The following ZFHX3 variants were observed in gnomAD, a reference collection of about 807,000 sequenced individuals.
ZFHX3 encodes zinc finger homeobox protein 3.
A neutral mutation model predicts 279.1 loss-of-function variants in ZFHX3; 42 were observed. The observed-to-expected ratio is 0.15, with a 90% CI of 0.12 to 0.19. ZFHX3 has a LOEUF of 0.19. Among genes scored for constraint, ZFHX3 ranks in the 10% least tolerant of loss-of-function variants. The pLI is 1.00. For synonymous variants in ZFHX3, 2,293 were observed against 1,957.8 expected (o/e 1.17, Z -4.52); for missense variants, 4,981 against 4,754.0 (o/e 1.05, Z -1.40).
intron 2 of ZFHX3, among the ~76,000 whole-genome samples, chr16:73,562,243 A>C (rs1005202258): frequency 6.6e-6 from 1 of 152,190 alleles, no homozygotes; most frequent in African/African-American, 2.4e-5. Context: ...TCTAGACTGA[A>C]GGTTGTGCCC....
chr16:73,807,602 A>G (rs1395382834), intron 1 of ZFHX3, among the ~76,000 whole-genome samples: 4 of 143,526 alleles, frequency 2.8e-5, no homozygotes, highest in Non-Finnish European at 6.0e-5. Context: ...GCCTACAGGC[A>G]CATTCCACCA....
chr16:73,787,218 T>G (rs1959674953), intron 1 of ZFHX3, among the ~76,000 whole-genome samples: 1 of 152,134 alleles, frequency 6.6e-6, no homozygotes, highest in South Asian at 2.1e-4. Flanking sequence ...ATCATTGGGG[T>G]GTTTCCTCTC....
chr16:73,491,536 C>A (rs1340424047), intron 2 of ZFHX3, among the ~76,000 whole-genome samples: 1 of 152,186 alleles, frequency 6.6e-6, no homozygotes, highest in Admixed American at 6.5e-5. Context: ...TCCGTGGCAT[C>A]CTCACTACTT....
At chr16:73,504,159 T>C (rs1265758670) in intron 2 of ZFHX3, 2 of 152,154 alleles carry the variant, frequency 1.3e-5, no homozygotes, top group African/African-American at 4.8e-5. Flanking sequence ...TTCTTTTAAA[T>C]GCTCCCCACC....
intron 3 of ZFHX3, among the ~76,000 whole-genome samples, chr16:73,325,822 T>C (rs946557098): frequency 5.9e-4 from 89 of 152,018 alleles, no homozygotes; most frequent in Middle Eastern, 3.4e-3. Context: ...CAGAAGGGCA[T>C]GCCAATTAGA....
intron 1 of ZFHX3, among the ~76,000 whole-genome samples, chr16:73,844,436 A>G (rs1433868866): frequency 6.6e-6 from 1 of 152,214 alleles, no homozygotes; most frequent in Non-Finnish European, 1.5e-5. Context: ...CATGAAAATA[A>G]TGAAGACATT....
At chr16:73,650,151 A>G (rs2052657010) in intron 2 of ZFHX3, among the ~76,000 whole-genome samples, 1 of 152,078 alleles carries the variant, frequency 6.6e-6, no homozygotes, top group Non-Finnish European at 1.5e-5. Flanking sequence ...TTTTCTCCCA[A>G]AGTGGAATAG....
intron 3 of ZFHX3, among the ~76,000 whole-genome samples, chr16:73,446,515 C>T (rs1296958830): frequency 6.6e-6 from 1 of 152,186 alleles, no homozygotes; most frequent in Non-Finnish European, 1.5e-5. Context: ...TCATCTCCCA[C>T]AAGGTCCCTC....
At chr16:73,752,266 T>G (rs1699836515) in intron 1 of ZFHX3, among the ~76,000 whole-genome samples, 1 of 152,174 alleles carries the variant, frequency 6.6e-6, no homozygotes, top group Non-Finnish European at 1.5e-5. Flanking sequence ...TTCAGCTAGT[T>G]TGAGAGGGTG....
intron 1 of ZFHX3, among the ~76,000 whole-genome samples, chr16:73,016,434 A>T (rs1017828632): frequency 6.6e-6 from 1 of 152,120 alleles, no homozygotes; most frequent in Non-Finnish European, 1.5e-5. Context: ...GTTCTCATTC[A>T]GCCTCCTGCT....
chr16:72,956,781 C>T (rs1251265291), intron 2 of ZFHX3, among the ~76,000 whole-genome samples: 1 of 150,742 alleles, frequency 6.6e-6, no homozygotes, highest in Non-Finnish European at 1.5e-5. Context: ...GAATTTAATT[C>T]CCAATTAATT....
rs114851974 is a variant in ZFHX3, at chr16:73,736,266, A to G, written c.-1607-56026T>C. Among the ~76,000 whole-genome samples, 334 of 152,282 alleles carry G rather than the reference A, an allele frequency of 2.2e-3. 2 individuals carry two copies. Among genetic ancestry groups the G allele is most frequent in the African/African-American group, 7.5e-3 (313 of 41,566 alleles). ...CTCCAACTGCTGATCTGACTCACCA[A>G]TGGCTACTTTAGTTTCAAAACTAGA... On this transcript the variant is annotated intron_variant, in intron 1 of 17. Transcript: ENST00000641206.
intron 1 of ZFHX3, among the ~76,000 whole-genome samples, chr16:73,759,091 G>A (rs1017402720): frequency 2.0e-5 from 3 of 152,210 alleles, no homozygotes; most frequent in African/African-American, 7.2e-5. Context: ...TATGACATAG[G>A]TGAGGATGAT....
intron 2 of ZFHX3, among the ~76,000 whole-genome samples, chr16:73,637,140 A>G (rs1349422386): frequency 1.3e-5 from 2 of 152,082 alleles, no homozygotes; most frequent in Non-Finnish European, 2.9e-5. Flanking sequence ...TTTCAAATCA[A>G]TAGGAAAGCT....
chr16:73,492,519 G>T (rs1037233097), intron 2 of ZFHX3, among the ~76,000 whole-genome samples: 1 of 152,174 alleles, frequency 6.6e-6, no homozygotes, highest in African/African-American at 2.4e-5. Flanking sequence ...AAAAGTGAGG[G>T]ATCTAGAATC....
chr16:73,762,527 A>G (rs546937431), intron 1 of ZFHX3, among the ~76,000 whole-genome samples: 2 of 152,170 alleles, frequency 1.3e-5, no homozygotes, highest in Non-Finnish European at 2.9e-5. Flanking sequence ...TACATGCACA[A>G]GTATGCTCAT....
At chr16:73,622,930 T>C (rs555908072) in intron 2 of ZFHX3, among the ~76,000 whole-genome samples, 1 of 152,368 alleles carries the variant, frequency 6.6e-6, no homozygotes, top group African/African-American at 2.4e-5. Flanking sequence ...CTGTTGTTTC[T>C]ACCCTAGTAC....
intron 2 of ZFHX3, among the ~76,000 whole-genome samples, chr16:73,545,271 TTTTC>T (rs1181712161): frequency 6.6e-6 from 1 of 152,002 alleles, no homozygotes; most frequent in African/African-American, 2.4e-5. Context: ...CTTTCTCCCA[TTTTC>T]TTTCTCTCTT....
At chr16:73,602,232 T>A (rs2052126255) in intron 2 of ZFHX3, among the ~76,000 whole-genome samples, 1 of 152,318 alleles carries the variant, frequency 6.6e-6, no homozygotes, top group African/African-American at 2.4e-5. Context: ...GCTGGTGGGT[T>A]TTTTCTAAAA....
Sources: gnomAD v4.1 joint callset for allele counts (sites outside exome capture counted in the v4.1 genomes callset) on GRCh38, gnomAD v4.1.1 for gene constraint, MANE v1.5 for transcripts, NCBI Gene and HGNC (gene_info 2026-07-23, HGNC 2026-07-21) for gene names.